Variants in ANO1 observed in about 807,000 individuals in gnomAD.
ANO1 encodes the protein anoctamin-1.
A neutral mutation model predicts 124.0 loss-of-function variants in ANO1; 59 were observed. The ratio of observed to expected loss-of-function variants is 0.48; its 90% CI spans 0.39 to 0.59. ANO1 has a LOEUF of 0.59. Ranked by LOEUF, ANO1 falls within the 20% of genes least tolerant of loss-of-function variation. The pLI, the probability that ANO1 is intolerant of heterozygous loss-of-function variation, is 0.00. For synonymous variants in ANO1, 529 were observed against 532.0 expected, an observed-to-expected ratio of 0.99 and a Z score of 0.08; for missense variants, 1,059 against 1,328.0, an observed-to-expected ratio of 0.80 and a Z score of 3.15.
At chr11:70,006,148 G>A (rs1856478438) in intron 1 of ANO1, among the ~76,000 whole-genome samples, 1 of 152,122 alleles carries the variant, frequency 6.6e-6, no homozygotes, top group African/African-American at 2.4e-5. Context: ...TGCCATCTCA[G>A]GAGTGAGGAT....
At chr11:70,057,299 T>A (rs1240513106) in intron 1 of ANO1, among the ~76,000 whole-genome samples, 1 of 152,184 alleles carries the variant, frequency 6.6e-6, no homozygotes, top group Admixed American at 6.5e-5. Flanking sequence ...GACCAGCTGG[T>A]TTCTCTCAGG....
intron 11 of ANO1, chr11:70,141,445 C>T (rs1038937003): frequency 2.0e-5 from 3 of 152,148 alleles, no homozygotes; most frequent in East Asian, 3.9e-4. Flanking sequence ...CCACTTCAGC[C>T]CTGGGAGACA....
intron 2 of ANO1, among the ~76,000 whole-genome samples, chr11:70,092,931 T>C (rs2044689219): frequency 6.6e-6 from 1 of 152,114 alleles, no homozygotes. Context: ...AGGACAGCAC[T>C]GCAGGGCAGG....
At chr11:70,083,895 A>G (rs2044276057) in intron 1 of ANO1, among the ~76,000 whole-genome samples, 1 of 152,250 alleles carries the variant, frequency 6.6e-6, no homozygotes. Flanking sequence ...GTCCCAGCAC[A>G]GAGAGACCTG....
At chr11:70,060,558 T>C (rs1857549630) in intron 1 of ANO1, among the ~76,000 whole-genome samples, 1 of 152,146 alleles carries the variant, frequency 6.6e-6, no homozygotes, top group East Asian at 1.9e-4. Context: ...TTTCAACAAA[T>C]AGTGAATAGA....
the ANO1 span, among the ~76,000 whole-genome samples, chr11:69,973,343 A>C: frequency 6.6e-6 from 1 of 152,182 alleles, no homozygotes; most frequent in Non-Finnish European, 1.5e-5. Context: ...ACTTTTTCAA[A>C]AAATCACTGT....
At chr11:69,987,975 G>A (rs79530883) in intron 1 of ANO1, among the ~76,000 whole-genome samples, 1 of 152,178 alleles carries the variant, frequency 6.6e-6, no homozygotes, top group South Asian at 2.1e-4. Context: ...TGTGTGGGGT[G>A]GAATCGTGCC....
Position 70,170,887 on chromosome 11 carries a change from T to A in ANO1, c.2198T>A (p.Ile733Asn), listed in dbSNP as rs1190483225. Residue 733 changes from isoleucine (I) to asparagine (N), a missense_variant and splice_region_variant, in exon 22 of 26, where the codon ATC (isoleucine) becomes AAC (asparagine). Coordinates refer to ENST00000355303, the MANE Select transcript of ANO1 (RefSeq NM_018043.7). ...AGLTPEYMEM[I>N]IQFGFVTLFV... The stretch of plus-strand genomic sequence containing the variant: ...GACTAGCACTGGGCTCTCTCTGCAG[T>A]CATCCAGTTTGGCTTCGTCACCCTG... 1 of 1,612,862 alleles carries A rather than the reference T, an allele frequency of 6.2e-7. No homozygotes were observed. The highest frequency in any genetic ancestry group is 2.2e-5 in the East Asian group (1 of 44,866).
chr11:70,124,490 A>G (rs949259281), intron 9 of ANO1, 76 bp downstream of exon 9: 1 of 1,462,942 alleles, frequency 6.8e-7, no homozygotes, highest in Non-Finnish European at 9.5e-7. Context: ...GTGGGTTTCA[A>G]CCGCTCTGAA....
At chr11:70,102,915 T>G (rs1321223147) in intron 2 of ANO1, 151 bp from the exon 3 acceptor site, 1 of 619,052 alleles carries the variant, frequency 1.6e-6, no homozygotes, top group East Asian at 2.8e-5. Flanking sequence ...TAGCTTTGCC[T>G]CAAAGTGTTG....
chr11:70,160,083 C>A (rs2047985492), intron 16 of ANO1, among the ~76,000 whole-genome samples: 1 of 152,194 alleles, frequency 6.6e-6, no homozygotes, highest in African/African-American at 2.4e-5. Flanking sequence ...GGGAGACACA[C>A]AGGGCAGCCC....
intron 10 of ANO1, among the ~76,000 whole-genome samples, chr11:70,130,144 G>A (rs929472536): frequency 2.0e-5 from 3 of 152,112 alleles, no homozygotes; most frequent in Admixed American, 2.0e-4. Context: ...ATCACCCTCC[G>A]ACCCAACCAG....
At chr11:70,079,135 G>C (rs2044126794) in intron 1 of ANO1, among the ~76,000 whole-genome samples, 1 of 152,156 alleles carries the variant, frequency 6.6e-6, no homozygotes, top group Admixed American at 6.5e-5. Flanking sequence ...GGTGATGGTG[G>C]GGGTCTTGGG....
At chr11:69,992,674 A>G (rs1188593520) in intron 1 of ANO1, among the ~76,000 whole-genome samples, 1 of 152,142 alleles carries the variant, frequency 6.6e-6, no homozygotes, top group African/African-American at 2.4e-5. Context: ...CTCTCTGGAG[A>G]GAAGATATGT....
chr11:69,997,352 A>C (rs537844709), intron 1 of ANO1, among the ~76,000 whole-genome samples: 112 of 150,952 alleles, frequency 7.4e-4, no homozygotes, highest in African/African-American at 2.6e-3. Context: ...AAAATTGCTT[A>C]TAAATTACAT....
chr11:69,986,645 A>G (rs1175600209), intron 1 of ANO1, among the ~76,000 whole-genome samples: 2 of 151,498 alleles, frequency 1.3e-5, no homozygotes, highest in African/African-American at 4.9e-5. Context: ...CGAAATCATA[A>G]TGGAAACTGA....
intron 21 of ANO1, among the ~76,000 whole-genome samples, chr11:70,169,000 A>G (rs1471440341): frequency 2.0e-5 from 3 of 152,194 alleles, no homozygotes; most frequent in Non-Finnish European, 4.4e-5. Context: ...GCCGGTAGGC[A>G]GAAAATGGCT....
Position 70,095,287 on chromosome 11 carries a change from GGAAGGAAGGAAGGAAA to G in ANO1, c.441+7207_441+7222del, listed in dbSNP as rs1294614482. 9.3e-4 allele frequency among the ~76,000 whole-genome samples: 75 copies of G among 80,698 alleles called. 5 individuals are homozygous for G. Among genetic ancestry groups the G allele is most frequent in the East Asian group, 2.0e-3 (6 of 3,004 alleles). The allele number at this position is 80,698 out of a possible 152,430, so 52.9% of individuals were successfully genotyped here. On this transcript the variant is annotated intron_variant, in intron 2 of 25. Transcript: ENST00000355303. Reference sequence around the variant, plus strand: ...AGGAAGGAAGGAAGGAAGGAAGGAAGGAAGGAAGGAAGGAAAGAAAGAAAGAAAGAAAGGAAAGAAA... The same window carrying G: ...AGGAAGGAAGGAAGGAAGGAAGGAAGGAAAGAAAGAAAGAAAGGAAAGAAA...
chr11:70,086,568 C>G (rs765109107), intron 1 of ANO1, among the ~76,000 whole-genome samples: 1 of 152,216 alleles, frequency 6.6e-6, no homozygotes, highest in Non-Finnish European at 1.5e-5. Flanking sequence ...AGGTGACTGA[C>G]CGTGCAGGTG....
Sources: allele counts gnomAD v4.1 joint callset (sites outside exome capture counted in the v4.1 genomes callset), GRCh38; gene constraint gnomAD v4.1.1; transcripts MANE v1.5; gene names NCBI Gene and HGNC (gene_info 2026-07-23, HGNC 2026-07-21).